LINGO2: variants seen among roughly 807,000 people sequenced by gnomAD.
LINGO2 encodes the protein leucine-rich repeat and immunoglobulin-like domain-containing nogo receptor-interacting protein 2.
In LINGO2, 14 loss-of-function variants were observed where a neutral mutation model predicts 30.6. The ratio of observed to expected loss-of-function variants is 0.46; its 90% CI spans 0.30 to 0.72. The LOEUF is 0.72. LINGO2 is among the 30% of genes least tolerant of loss of function. The pLI is 0.07. For synonymous variants in LINGO2, 317 were observed against 288.5 expected, an observed-to-expected ratio of 1.10 and a Z score of -1.00; for missense variants, 729 against 751.7, an observed-to-expected ratio of 0.97 and a Z score of 0.35.
chr9:28,516,268 C>G (rs989916510), intron 1 of LINGO2, among the ~76,000 whole-genome samples: 5 of 152,168 alleles, frequency 3.3e-5, no homozygotes, highest in Non-Finnish European at 7.3e-5. Flanking sequence ...TCTCTCCCCA[C>G]AAATGTCAAG....
chr9:29,028,662 T>C, the LINGO2 span, among the ~76,000 whole-genome samples: 3 of 152,194 alleles, frequency 2.0e-5, no homozygotes, highest in East Asian at 3.9e-4. Flanking sequence ...TCCCAAGAGG[T>C]CTCGCATTCT....
chr9:28,767,377 GAA>G, the LINGO2 span, among the ~76,000 whole-genome samples: 1 of 152,014 alleles, frequency 6.6e-6, no homozygotes, highest in Non-Finnish European at 1.5e-5. Context: ...AACCAAAAGA[GAA>G]AGAAAAATGC....
At chr9:28,495,754 G>T (rs568508325) in intron 1 of LINGO2, among the ~76,000 whole-genome samples, 2 of 152,200 alleles carry the variant, frequency 1.3e-5, no homozygotes, top group South Asian at 2.1e-4. Context: ...CGATGTTAGG[G>T]TTTCAATTTT....
intron 1 of LINGO2, among the ~76,000 whole-genome samples, chr9:28,540,087 G>A (rs563766861): frequency 9.9e-5 from 15 of 152,176 alleles, no homozygotes; most frequent in East Asian, 3.9e-4. Context: ...AAAAGACATC[G>A]CACAACTCTG....
At chr9:28,185,043 T>G (rs555725243) in intron 4 of LINGO2, among the ~76,000 whole-genome samples, 20 of 152,298 alleles carry the variant, frequency 1.3e-4, no homozygotes, top group African/African-American at 4.8e-4. Flanking sequence ...GGTGATTGCT[T>G]TGAGAAATGC....
intron 1 of LINGO2, among the ~76,000 whole-genome samples, chr9:28,574,395 T>C (rs1823852801): frequency 6.6e-6 from 1 of 152,210 alleles, no homozygotes; most frequent in South Asian, 2.1e-4. Flanking sequence ...TTTGTTTCCA[T>C]ACAGTCACTG....
intron 4 of LINGO2, among the ~76,000 whole-genome samples, chr9:28,101,405 T>A (rs1826412705): frequency 6.6e-6 from 1 of 152,172 alleles, no homozygotes; most frequent in African/African-American, 2.4e-5. Flanking sequence ...CAAAATAAAC[T>A]ATAAACATGA....
At chr9:28,763,481 T>G in the LINGO2 span, among the ~76,000 whole-genome samples, 7 of 151,780 alleles carry the variant, frequency 4.6e-5, 1 homozygote, top group African/African-American at 1.7e-4. Flanking sequence ...AGAAAATATC[T>G]CAAGACAAAC....
the LINGO2 span, among the ~76,000 whole-genome samples, chr9:28,707,730 C>T: frequency 1.3e-5 from 2 of 151,902 alleles, no homozygotes; most frequent in Non-Finnish European, 2.9e-5. Context: ...TGAATGAATA[C>T]CTTAGGGGGC....
intron 4 of LINGO2, among the ~76,000 whole-genome samples, chr9:28,093,490 T>A (rs191471578): frequency 6.6e-6 from 1 of 152,218 alleles, no homozygotes; most frequent in South Asian, 2.1e-4. Flanking sequence ...CTGTATTTAG[T>A]GTGGCAATTA....
chr9:28,854,417 A>G, the LINGO2 span, among the ~76,000 whole-genome samples: 28 of 152,124 alleles, frequency 1.8e-4, no homozygotes, highest in South Asian at 3.9e-3. Context: ...TAAAACTGGT[A>G]TTTTGAGAAA....
intron 5 of LINGO2, among the ~76,000 whole-genome samples, chr9:27,975,467 C>T (rs1438841607): frequency 6.6e-6 from 1 of 152,032 alleles, no homozygotes; most frequent in Non-Finnish European, 1.5e-5. Flanking sequence ...TATTTTCTAT[C>T]ATGATCAATT....
At chr9:28,359,726 T>C (rs758764793) in intron 3 of LINGO2, among the ~76,000 whole-genome samples, 4 of 152,172 alleles carry the variant, frequency 2.6e-5, no homozygotes, top group Non-Finnish European at 5.9e-5. Flanking sequence ...CCAATGTGTA[T>C]AGTGAAGTTG....
At chr9:29,125,732 A>T in the LINGO2 span, among the ~76,000 whole-genome samples, 1 of 152,262 alleles carries the variant, frequency 6.6e-6, no homozygotes, top group East Asian at 1.9e-4. Flanking sequence ...GGAAGACTAA[A>T]TGAATGTAGA....
intron 4 of LINGO2, among the ~76,000 whole-genome samples, chr9:28,178,312 A>G (rs1828804620): frequency 6.6e-6 from 1 of 152,190 alleles, no homozygotes; most frequent in African/African-American, 2.4e-5. Context: ...ACATGTAGGA[A>G]GAGGAAGCTT....
At chr9:28,260,016 C>T (rs1170166831) in intron 4 of LINGO2, among the ~76,000 whole-genome samples, 1 of 151,728 alleles carries the variant, frequency 6.6e-6, no homozygotes, top group Admixed American at 6.6e-5. Flanking sequence ...CCATGGACAA[C>T]CCATTTTTAA....
chr9:28,539,658 A>G (rs190301316), intron 1 of LINGO2, among the ~76,000 whole-genome samples: 2 of 152,282 alleles, frequency 1.3e-5, no homozygotes, highest in East Asian at 3.9e-4. Flanking sequence ...GTTGTGTAAT[A>G]TCATGCTTGT....
At chr9:28,465,356 G>A (rs571882849) in intron 2 of LINGO2, among the ~76,000 whole-genome samples, 17 of 152,294 alleles carry the variant, frequency 1.1e-4, no homozygotes, top group Admixed American at 2.6e-4. Context: ...CTCTCTGACC[G>A]TTGTCTCTGA....
intron 2 of LINGO2, among the ~76,000 whole-genome samples, chr9:28,432,558 T>A (rs1823721156): frequency 6.6e-6 from 1 of 152,020 alleles, no homozygotes; most frequent in Non-Finnish European, 1.5e-5. Flanking sequence ...TGTGATTGAT[T>A]TTGTGGCAAT....
Sources: allele counts gnomAD v4.1 joint callset (sites outside exome capture counted in the v4.1 genomes callset), GRCh38; gene constraint gnomAD v4.1.1; transcripts MANE v1.5; gene names NCBI Gene and HGNC (gene_info 2026-07-23, HGNC 2026-07-21).